The following CCDC85A variants were observed in gnomAD, a reference collection of about 807,000 sequenced individuals.
CCDC85A encodes coiled-coil domain-containing protein 85A.
CCDC85A carries 38 observed loss-of-function variants against 50.2 expected under a neutral mutation model. The observed-to-expected ratio is 0.76, with a 90% CI of 0.58 to 0.99. The LOEUF (loss-of-function observed/expected upper bound fraction) is 0.99. CCDC85A is among the 50% of genes least tolerant of loss of function. CCDC85A has a pLI of 0.00. For synonymous variants in CCDC85A, 366 were observed against 301.4 expected (o/e 1.21, Z -2.22); for missense variants, 820 against 742.0 (o/e 1.11, Z -1.22).
At chr2:56,306,074 C>T (rs1573219464) in intron 2 of CCDC85A, among the ~76,000 whole-genome samples, 1 of 152,158 alleles carries the variant, frequency 6.6e-6, no homozygotes, top group South Asian at 2.1e-4. Flanking sequence ...ATGAATATAA[C>T]AGGAAGGCTG....
intron 2 of CCDC85A, among the ~76,000 whole-genome samples, chr2:56,327,134 A>G (rs149376385): frequency 1.4e-3 from 218 of 152,306 alleles, no homozygotes; most frequent in African/African-American, 4.9e-3. Flanking sequence ...TGAAGAAATG[A>G]AAGAATTGCA....
intron 2 of CCDC85A, among the ~76,000 whole-genome samples, chr2:56,221,342 T>G (rs1245019341): frequency 6.6e-6 from 1 of 151,984 alleles, no homozygotes; most frequent in African/African-American, 2.4e-5. Context: ...ACTTAACAGA[T>G]TAACTGAGAT....
chr2:56,301,500 C>T (rs1672199609), intron 2 of CCDC85A, among the ~76,000 whole-genome samples: 1 of 151,980 alleles, frequency 6.6e-6, no homozygotes, highest in South Asian at 2.1e-4. Context: ...GATTCTGATA[C>T]AGAGGTATAT....
intron 2 of CCDC85A, among the ~76,000 whole-genome samples, chr2:56,298,866 GTC>G (rs1424863754): frequency 6.6e-6 from 1 of 152,176 alleles, no homozygotes; most frequent in Non-Finnish European, 1.5e-5. Context: ...AATTTCAAGA[GTC>G]TGGAGGGGAG....
chr2:56,216,587 T>C (rs1353678182), intron 2 of CCDC85A, among the ~76,000 whole-genome samples: 1 of 151,846 alleles, frequency 6.6e-6, no homozygotes, highest in East Asian at 1.9e-4. Context: ...ACCTCCCATA[T>C]TGATGACTGT....
chr2:56,297,398 T>C (rs551653160), intron 2 of CCDC85A, among the ~76,000 whole-genome samples: 2,805 of 152,068 alleles, frequency 0.018, 105 homozygotes, highest in African/African-American at 0.064. Flanking sequence ...CGAGCCTTTT[T>C]TTTTTTTTTT....
chr2:56,240,613 A>C (rs6759030), intron 2 of CCDC85A, among the ~76,000 whole-genome samples: 37,769 of 152,044 alleles, frequency 0.25, 5,469 homozygotes, highest in African/African-American at 0.38. Context: ...CCTATTCTGG[A>C]CATATCATAC....
At chr2:56,332,085 G>A (rs1214721826) in intron 2 of CCDC85A, among the ~76,000 whole-genome samples, 1 of 152,118 alleles carries the variant, frequency 6.6e-6, no homozygotes, top group Non-Finnish European at 1.5e-5. Flanking sequence ...GGTGGGGTGG[G>A]GTGAAATGTT....
chr2:56,352,382 G>T (rs546980457), intron 3 of CCDC85A, among the ~76,000 whole-genome samples: 3 of 152,048 alleles, frequency 2.0e-5, no homozygotes. Flanking sequence ...ACAGGCACTC[G>T]CTCTACAGGC....
At chr2:56,247,619 T>G (rs534205374) in intron 2 of CCDC85A, among the ~76,000 whole-genome samples, 1 of 152,338 alleles carries the variant, frequency 6.6e-6, no homozygotes, top group East Asian at 1.9e-4. Flanking sequence ...ATGTCTTATT[T>G]TGAAGGCAAC....
chr2:56,216,649 A>G (rs946296427), intron 2 of CCDC85A, among the ~76,000 whole-genome samples: 1 of 144,872 alleles, frequency 6.9e-6, no homozygotes, highest in Non-Finnish European at 1.5e-5. Flanking sequence ...CATTTCATTT[A>G]TTTCTCCTTC....
intron 2 of CCDC85A, among the ~76,000 whole-genome samples, chr2:56,309,115 C>T (rs755466836): frequency 2.6e-5 from 4 of 152,100 alleles, no homozygotes; most frequent in Admixed American, 2.0e-4. Context: ...GATATGGGAA[C>T]ATGGGCATTA....
chr2:56,269,732 C>A (rs1670616554), intron 2 of CCDC85A, among the ~76,000 whole-genome samples: 1 of 152,156 alleles, frequency 6.6e-6, no homozygotes, highest in African/African-American at 2.4e-5. Flanking sequence ...CCATCATCCC[C>A]CTCACTACAA....
chr2:56,208,006 A>G (rs1026596695), intron 2 of CCDC85A, among the ~76,000 whole-genome samples: 1 of 152,176 alleles, frequency 6.6e-6, no homozygotes, highest in African/African-American at 2.4e-5. Context: ...TTGCCATTCA[A>G]AAACGGTGAG....
chr2:56,313,098 A>G (rs1336515790), intron 2 of CCDC85A, among the ~76,000 whole-genome samples: 1 of 152,122 alleles, frequency 6.6e-6, no homozygotes, highest in Non-Finnish European at 1.5e-5. Flanking sequence ...AAAGTCTTTT[A>G]TTATGTTTAT....
intron 2 of CCDC85A, among the ~76,000 whole-genome samples, chr2:56,293,524 C>T (rs993243494): frequency 2.0e-5 from 3 of 152,082 alleles, no homozygotes; most frequent in Non-Finnish European, 4.4e-5. Context: ...AAGAAACTAT[C>T]ATCAGAGTGA....
intron 2 of CCDC85A, among the ~76,000 whole-genome samples, chr2:56,237,359 T>C (rs1203463957): frequency 1.3e-5 from 2 of 152,226 alleles, no homozygotes; most frequent in African/African-American, 4.8e-5. Context: ...GAAAGTTGTG[T>C]ACAGGAGGCA....
At chr2:56,277,923 C>G (rs1015475435) in intron 2 of CCDC85A, among the ~76,000 whole-genome samples, 8 of 152,202 alleles carry the variant, frequency 5.3e-5, no homozygotes, top group Non-Finnish European at 8.8e-5. Flanking sequence ...ATTGGACCAA[C>G]AGAGCAGCAT....
At chr2:56,186,088 G>A (rs1676031700) in intron 1 of CCDC85A, among the ~76,000 whole-genome samples, 1 of 152,200 alleles carries the variant, frequency 6.6e-6, no homozygotes, top group Non-Finnish European at 1.5e-5. Flanking sequence ...CTATGTGCTG[G>A]GCCCAGTTCA....
Sources: allele counts gnomAD v4.1 joint callset (sites outside exome capture counted in the v4.1 genomes callset), GRCh38; gene constraint gnomAD v4.1.1; transcripts MANE v1.5; gene names NCBI Gene and HGNC (gene_info 2026-07-23, HGNC 2026-07-21).